The following FYB1 variants were observed in gnomAD, a reference collection of about 807,000 sequenced individuals.
FYB1 encodes FYN binding protein 1.
FYB1 carries 41 observed loss-of-function variants against 94.1 expected under a neutral mutation model. That is an observed-to-expected ratio of 0.44 (90% CI 0.34 to 0.57). The LOEUF is 0.57. Ranked by LOEUF, FYB1 falls within the 20% of genes least tolerant of loss-of-function variation. FYB1 has a pLI of 0.02. For missense variants in FYB1, 1,050 were observed against 976.8 expected (o/e 1.07, Z -1.00); for synonymous variants, 367 against 353.2 (o/e 1.04, Z -0.44).
intron 1 of FYB1, among the ~76,000 whole-genome samples, chr5:39,261,464 A>G (rs1196539786): frequency 6.6e-6 from 1 of 152,052 alleles, no homozygotes; most frequent in Non-Finnish European, 1.5e-5. Flanking sequence ...AGAAACAATG[A>G]GGCTGGGTGC....
At chr5:39,225,647 C>T (rs931665096) in intron 1 of FYB1, among the ~76,000 whole-genome samples, 2 of 152,086 alleles carry the variant, frequency 1.3e-5, no homozygotes, top group African/African-American at 4.8e-5. Flanking sequence ...TATGCATATA[C>T]TTTAACCATT....
chr5:39,243,409 A>T (rs1372259715), intron 1 of FYB1, among the ~76,000 whole-genome samples: 12 of 151,594 alleles, frequency 7.9e-5, no homozygotes, highest in Non-Finnish European at 1.6e-4. Flanking sequence ...TGCTTTCCCC[A>T]TTTCTTGTTT....
Position 39,110,398 on chromosome 5 carries a change from GA to G in FYB1, c.2402-10del. 3 of 1,578,604 alleles carry G rather than the reference GA, an allele frequency of 1.9e-6. No homozygotes were observed. Among genetic ancestry groups the G allele is most frequent in the Non-Finnish European group, 2.6e-6 (3 of 1,156,358 alleles). Reference sequence around the variant, plus strand: ...CCGAAGGACATAACCATCTACGAAGGAAAAAGGAAATAAATTGTATCAATAA... The same window carrying G: ...CCGAAGGACATAACCATCTACGAAGGAAAAGGAAATAAATTGTATCAATAA... On this transcript the variant is annotated splice_polypyrimidine_tract_variant and intron_variant, in intron 16 of 18. Transcript: ENST00000512982.
intron 1 of FYB1, chr5:39,250,936 A>G (rs762069971): frequency 6.6e-6 from 1 of 152,216 alleles, no homozygotes; most frequent in Non-Finnish European, 1.5e-5. Flanking sequence ...TCACCTTAAT[A>G]AAGAAACCAA....
At chr5:39,264,220 C>T (rs904245051) in intron 1 of FYB1, among the ~76,000 whole-genome samples, 2 of 152,158 alleles carry the variant, frequency 1.3e-5, no homozygotes, top group Non-Finnish European at 2.9e-5. Context: ...GCCATCCACA[C>T]TTAATGCATA....
At chr5:39,189,799 C>G (rs577319692) in intron 2 of FYB1, among the ~76,000 whole-genome samples, 9 of 152,340 alleles carry the variant, frequency 5.9e-5, no homozygotes, top group Non-Finnish European at 8.8e-5. Flanking sequence ...TTCGGTGAAG[C>G]CTGTCCTGCA....
chr5:39,156,631 T>G (rs1263291404), intron 2 of FYB1, among the ~76,000 whole-genome samples: 1 of 152,236 alleles, frequency 6.6e-6, no homozygotes, highest in Admixed American at 6.5e-5. Context: ...TGAAACACTT[T>G]GCTTTGCAAA....
intron 2 of FYB1, among the ~76,000 whole-genome samples, chr5:39,157,192 T>C (rs1743838915): frequency 6.6e-6 from 1 of 152,192 alleles, no homozygotes; most frequent in Admixed American, 6.5e-5. Flanking sequence ...TTTTTTATGA[T>C]GTCTATGCAC....
chr5:39,199,096 G>T (rs916350972), intron 2 of FYB1, among the ~76,000 whole-genome samples: 1 of 151,106 alleles, frequency 6.6e-6, no homozygotes, highest in Admixed American at 6.6e-5. Flanking sequence ...TTATGTATAC[G>T]TATATGTATA....
chr5:39,204,765 C>A (rs530414949), intron 1 of FYB1, among the ~76,000 whole-genome samples: 51 of 152,172 alleles, frequency 3.4e-4, no homozygotes, highest in Admixed American at 5.2e-4. Context: ...TCTGTCCATA[C>A]CAAACTGTAG....
At chr5:39,196,270 G>A (rs1172772299) in intron 2 of FYB1, among the ~76,000 whole-genome samples, 1 of 145,896 alleles carries the variant, frequency 6.9e-6, no homozygotes, top group African/African-American at 2.6e-5. Context: ...GTGCAGTGGT[G>A]CAATCTCGGC....
At chr5:39,133,314 A>G (rs1043197701) in intron 9 of FYB1, among the ~76,000 whole-genome samples, 1 of 152,210 alleles carries the variant, frequency 6.6e-6, no homozygotes, top group Non-Finnish European at 1.5e-5. Flanking sequence ...CTAGTTTTAT[A>G]AAGTAGTCAT....
chr5:39,149,966 A>G (rs967321638), intron 3 of FYB1, among the ~76,000 whole-genome samples: 4 of 152,126 alleles, frequency 2.6e-5, no homozygotes, highest in Non-Finnish European at 4.4e-5. Context: ...TTTTAAACCC[A>G]GAACTTCTTA....
At chr5:39,208,255 G>A (rs1749033374) in intron 1 of FYB1, among the ~76,000 whole-genome samples, 1 of 152,142 alleles carries the variant, frequency 6.6e-6, no homozygotes, top group South Asian at 2.1e-4. Context: ...TGTCACTTTT[G>A]CAATTAAAGC....
chr5:39,270,564 C>T, intron 1 of FYB1: 1 of 1,534,918 alleles, frequency 6.5e-7, no homozygotes, highest in Non-Finnish European at 8.7e-7. Flanking sequence ...AAATCTATTA[C>T]TTACCATTTT....
rs568966358 is a variant in FYB1, at chr5:39,110,654, G to A, written c.2402-265C>T. The A allele has an allele frequency of 1.2e-4, 41 of 340,474 alleles. No individual in the cohort carries two copies. In the South Asian group the frequency reaches 2.0e-3, roughly 16 times the overall value. 21.1% of individuals were successfully genotyped at this position (340,474 alleles called of 1,614,324 possible). A position where few individuals can be genotyped will look rare whatever the true frequency, so the allele number is the denominator to read the frequency against. On this transcript the variant is annotated intron_variant, in intron 16 of 18. Transcript: ENST00000512982. ...CCTCCTTTCCCCTTTAAATAAAAAA[G>A]CAACTTTTTTCATTAAGCTACTGTA...
chr5:39,210,461 C>A (rs1749262140), intron 1 of FYB1, among the ~76,000 whole-genome samples: 1 of 152,194 alleles, frequency 6.6e-6, no homozygotes, highest in Non-Finnish European at 1.5e-5. Context: ...GATAGCCTAG[C>A]AAGTAGTAAA....
At chr5:39,153,641 A>T in intron 2 of FYB1, 37 bp from the exon 3 acceptor site, 1 of 1,550,898 alleles carries the variant, frequency 6.4e-7, no homozygotes, top group Non-Finnish European at 8.7e-7. Flanking sequence ...GAATTAAGAC[A>T]AATCTTCAAA....
intron 18 of FYB1, 50 bp from the exon 19 acceptor site, chr5:39,107,515 C>T: frequency 7.6e-7 from 1 of 1,311,344 alleles, no homozygotes; most frequent in East Asian, 2.7e-5. Flanking sequence ...AACATATTCT[C>T]TAAGTATTCC....
Sources: allele counts gnomAD v4.1 joint callset (sites outside exome capture counted in the v4.1 genomes callset), GRCh38; gene constraint gnomAD v4.1.1; transcripts MANE v1.5; gene names NCBI Gene and HGNC (gene_info 2026-07-23, HGNC 2026-07-21).